Variants in NR6A1 observed in about 807,000 individuals in gnomAD.
NR6A1 encodes the protein nuclear receptor subfamily 6 group A member 1, also known as retinoic acid receptor-related testis-associated receptor.
A neutral mutation model predicts 59.1 loss-of-function variants in NR6A1; 7 were observed. The observed-to-expected ratio is 0.12, with a 90% CI of 0.07 to 0.22. The LOEUF (loss-of-function observed/expected upper bound fraction) is 0.22, where lower values mean the gene tolerates loss of function less well. Ranked by LOEUF, NR6A1 falls within the 10% of genes least tolerant of loss-of-function variation. NR6A1 has a pLI of 1.00. For missense variants in NR6A1, 468 were observed against 611.6 expected (o/e 0.77, Z 2.48); for synonymous variants, 243 against 236.1 (o/e 1.03, Z -0.27).
In NR6A1 at chr9:124,535,958, G is replaced by A. The variant is rs1833251007; in HGVS notation, c.999C>T (p.Leu333=). The A allele has an allele frequency of 2.5e-6, 4 of 1,614,228 alleles. No homozygotes were observed. The East Asian group carries it at 8.9e-5, about 36-fold the overall frequency. The change falls in exon 7 of 10, where the codon CTC becomes CTT. Residue 333 remains leucine (L), a synonymous_variant. Coordinates refer to ENST00000487099, the MANE Select transcript of NR6A1 (RefSeq NM_033334.4). Reference sequence around the variant, plus strand: ...CAAAGATCTGCTTGCTGTAAACGGTGAGGGAAGACAGCAGGATTAGCTCCT... The same window carrying A: ...CAAAGATCTGCTTGCTGTAAACGGTAAGGGAAGACAGCAGGATTAGCTCCT... The part of the protein sequence containing the change: ...TWQELILLSS[L]TVYSKQIFGE...
intron 2 of NR6A1, among the ~76,000 whole-genome samples, chr9:124,601,591 A>G (rs1009032670): frequency 7.3e-5 from 11 of 150,262 alleles, no homozygotes; most frequent in Non-Finnish European, 1.2e-4. Flanking sequence ...GTCAAAAAAA[A>G]AAAAAAAAGA....
intron 1 of NR6A1, among the ~76,000 whole-genome samples, chr9:124,761,885 C>G (rs1840793583): frequency 6.6e-6 from 1 of 152,186 alleles, no homozygotes; most frequent in African/African-American, 2.4e-5. Flanking sequence ...ATCAGTTAAG[C>G]AACAGGTTTC....
At position 124,666,275 on chromosome 9, in the gene NR6A1, C is replaced by CTTTTTTTTTTTTTTTTTTTTT. The variant is rs922378385; in HGVS notation, c.142+67012_142+67032dup. Among the ~76,000 whole-genome samples, 30 of 103,044 alleles carry CTTTTTTTTTTTTTTTTTTTTT rather than the reference C, an allele frequency of 2.9e-4. 2 individuals carry two copies. Among genetic ancestry groups the CTTTTTTTTTTTTTTTTTTTTT allele is most frequent in the East Asian group, 9.6e-4 (3 of 3,128 alleles). 67.6% of individuals were successfully genotyped at this position (103,044 alleles called of 152,430 possible). ...TTGGCGGAATTACCTCTATGTGGTT[C>CTTTTTTTTTTTTTTTTTTTTT]TTTTTTTTTTTTTTTTTTTTTGAGA... is the stretch of plus-strand genomic sequence containing the variant. On this transcript the variant is annotated intron_variant, in intron 2 of 9. Transcript: ENST00000487099.
At chr9:124,590,991 G>T (rs1835104869) in intron 2 of NR6A1, among the ~76,000 whole-genome samples, 1 of 152,166 alleles carries the variant, frequency 6.6e-6, no homozygotes, top group Non-Finnish European at 1.5e-5. Context: ...ACCCATTCAT[G>T]ACTAATTATC....
At chr9:124,555,631 A>G (rs532182219) in intron 2 of NR6A1, among the ~76,000 whole-genome samples, 1 of 152,280 alleles carries the variant, frequency 6.6e-6, no homozygotes, top group East Asian at 1.9e-4. Context: ...ACAAATAAAC[A>G]AAAACAAAGG....
At chr9:124,570,309 G>A (rs962862527) in intron 2 of NR6A1, among the ~76,000 whole-genome samples, 3 of 152,176 alleles carry the variant, frequency 2.0e-5, no homozygotes, top group African/African-American at 7.2e-5. Flanking sequence ...GCACAGACCT[G>A]TCTACTAGGC....
intron 2 of NR6A1, among the ~76,000 whole-genome samples, chr9:124,558,869 C>T (rs1461454811): frequency 1.3e-5 from 2 of 152,146 alleles, no homozygotes; most frequent in Admixed American, 6.5e-5. Flanking sequence ...AAGCCAGGGC[C>T]CCCCTTTGTA....
At chr9:124,668,832 T>C (rs983128244) in intron 2 of NR6A1, among the ~76,000 whole-genome samples, 2 of 152,240 alleles carry the variant, frequency 1.3e-5, no homozygotes, top group Non-Finnish European at 2.9e-5. Flanking sequence ...GGACTGACAG[T>C]ATCTGTCTCA....
At chr9:124,552,535 A>T (rs1833808926) in intron 3 of NR6A1, among the ~76,000 whole-genome samples, 1 of 152,242 alleles carries the variant, frequency 6.6e-6, no homozygotes, top group African/African-American at 2.4e-5. Flanking sequence ...ACATGTAAAC[A>T]GCTATGCCAC....
chr9:124,743,276 T>A (rs1840227951), intron 1 of NR6A1, among the ~76,000 whole-genome samples: 1 of 152,196 alleles, frequency 6.6e-6, no homozygotes, highest in South Asian at 2.1e-4. Context: ...ACAGGCAGCT[T>A]GACAAACCAT....
chr9:124,758,468 G>A (rs1296849685), intron 1 of NR6A1, among the ~76,000 whole-genome samples: 2 of 152,186 alleles, frequency 1.3e-5, no homozygotes, highest in East Asian at 3.9e-4. Flanking sequence ...CAAGGAATGA[G>A]GAAAAACTCT....
At chr9:124,618,188 A>G (rs1361318203) in intron 2 of NR6A1, among the ~76,000 whole-genome samples, 1 of 152,152 alleles carries the variant, frequency 6.6e-6, no homozygotes, top group Non-Finnish European at 1.5e-5. Context: ...CAATGAGTTG[A>G]AAGGTAACCA....
At chr9:124,662,240 A>G (rs1411396906) in intron 2 of NR6A1, among the ~76,000 whole-genome samples, 2 of 152,180 alleles carry the variant, frequency 1.3e-5, no homozygotes, top group Non-Finnish European at 2.9e-5. Context: ...TAGTGTCAAA[A>G]ACTTCTTCCT....
chr9:124,705,794 T>A (rs1367874903), intron 2 of NR6A1, among the ~76,000 whole-genome samples: 1 of 151,962 alleles, frequency 6.6e-6, no homozygotes, highest in East Asian at 1.9e-4. Flanking sequence ...TTTTTTTTTT[T>A]TGACAGAGTC....
At chr9:124,538,532 G>A (rs993761795) in intron 5 of NR6A1, among the ~76,000 whole-genome samples, 3 of 152,110 alleles carry the variant, frequency 2.0e-5, no homozygotes, top group Non-Finnish European at 2.9e-5. Context: ...TGTTGGGGTC[G>A]CCACTGGACA....
chr9:124,538,319 A>G lies in NR6A1; in HGVS notation c.597T>C (p.Ser199=). The part of the protein sequence containing the change: ...QPSPGSTLSS[S]RSVELNGFMA... The stretch of plus-strand genomic sequence containing the variant: ...TGAATCCATTCAGTTCCACAGACCT[A>G]CTGGAGAGAAAAGTCTTGCGTCAAA... The change falls in exon 6 of 10, where the codon AGT becomes AGC. Residue 199 remains serine (S), a splice_region_variant and synonymous_variant. Transcript: ENST00000487099. The G allele has an allele frequency of 6.2e-7, 1 of 1,611,518 alleles. No homozygotes were observed. The highest frequency in any genetic ancestry group is 1.3e-5 in the African/African-American group (1 of 75,006).
Position 124,690,922 on chromosome 9 carries a change from A to C in NR6A1, c.142+42386T>G, listed in dbSNP as rs1838521235. ...GGCAACACCCCATGTCATTCCAGAA[A>C]CCTACCTTTCTGTAGTTTTTCAAGT... On this transcript the variant is annotated intron_variant, in intron 2 of 9. Coordinates refer to ENST00000487099, the MANE Select transcript of NR6A1 (RefSeq NM_033334.4). Among the ~76,000 whole-genome samples, 3 of 152,250 alleles carry C rather than the reference A, an allele frequency of 2.0e-5. No individual in the cohort carries two copies. The South Asian group carries it at 6.2e-4, about 32-fold the overall frequency.
chr9:124,600,111 A>AG (rs1307938032), intron 2 of NR6A1, among the ~76,000 whole-genome samples: 1 of 152,204 alleles, frequency 6.6e-6, no homozygotes, highest in African/African-American at 2.4e-5. Context: ...ACCATTCTCA[A>AG]GGAGAGGGAC....
At chr9:124,538,443 G>A (rs1833348143) in intron 5 of NR6A1, 124 bp from the exon 6 acceptor site, 1 of 668,968 alleles carries the variant, frequency 1.5e-6, no homozygotes, top group Non-Finnish European at 2.6e-6. Context: ...ATCAAGCCAG[G>A]GGGCATAATT....
Sources: gnomAD v4.1 joint callset for allele counts (sites outside exome capture counted in the v4.1 genomes callset) on GRCh38, gnomAD v4.1.1 for gene constraint, MANE v1.5 for transcripts, NCBI Gene and HGNC (gene_info 2026-07-23, HGNC 2026-07-21) for gene names.